Variants in MAGED2 observed in about 807,000 individuals in gnomAD.
MAGED2 encodes MAGE family member D2.
A neutral mutation model predicts 41.7 loss-of-function variants in MAGED2; 6 were observed. That is an observed-to-expected ratio of 0.14 (90% CI 0.08 to 0.28). The LOEUF is 0.28. Among genes scored for constraint, MAGED2 ranks in the 10% least tolerant of loss-of-function variants. The pLI is 1.00. For missense variants in MAGED2, 343 were observed against 486.4 expected, an observed-to-expected ratio of 0.71 and a Z score of 2.77; for synonymous variants, 146 against 178.2, an observed-to-expected ratio of 0.82 and a Z score of 1.44.
At chrX:54,812,879 G>A in intron 7 of MAGED2, 66 bp from the exon 8 acceptor site, 1 of 831,037 alleles carries the variant, frequency 1.2e-6, no homozygotes, top group Non-Finnish European at 1.8e-6. Flanking sequence ...AGCCTAGTGA[G>A]TTGGCTGGTG....
Position 54,815,204 on chromosome X carries a change from G to A in MAGED2, c.1387-44G>A, listed in dbSNP as rs759618951. On this transcript the variant is annotated intron_variant, in intron 11 of 12. Coordinates refer to ENST00000375068, the MANE Select transcript of MAGED2 (RefSeq NM_177433.3). ...ATAGTAATACTGTATTATTACTATG[G>A]CTTAATCCCTCTATGCTCCTTCTGA... The A allele has an allele frequency of 5.3e-6, 6 of 1,136,988 alleles. No homozygotes were observed. In the African/African-American group the frequency reaches 5.5e-5, roughly 10 times the overall value. 93.7% of individuals were successfully genotyped at this position (1,136,988 alleles called of 1,213,427 possible).
chrX:54,807,994 G>A (rs1929667205), intron 1 of MAGED2, among the ~76,000 whole-genome samples, 192 bp downstream of exon 1: 1 of 109,042 alleles, frequency 9.2e-6, no homozygotes, highest in African/African-American at 3.4e-5. Flanking sequence ...AGAGACTAGC[G>A]GAGGGAGGAG....
chrX:54,812,853 G>A, intron 7 of MAGED2, 92 bp from the exon 8 acceptor site: 1 of 655,932 alleles, frequency 1.5e-6, no homozygotes, highest in Non-Finnish European at 2.4e-6. Context: ...TGTATCTGAG[G>A]AATCTGGGAG....
intron 1 of MAGED2, chrX:54,809,023 G>C: frequency 2.8e-6 from 1 of 361,158 alleles, no homozygotes; most frequent in Non-Finnish European, 4.9e-6. Context: ...CGACGCGCAT[G>C]CGCTCTATCG....
rs1187146810 is a variant in MAGED2, at chrX:54,814,786, A to G, written c.1386+11A>G. 8.5e-7 allele frequency: 1 copy of G among 1,169,605 alleles called. No homozygotes were observed. Among genetic ancestry groups the G allele is most frequent in the Admixed American group, 2.2e-5 (1 of 45,963 alleles). On this transcript the variant is annotated intron_variant, in intron 11 of 12. Coordinates refer to ENST00000375068, the MANE Select transcript of MAGED2 (RefSeq NM_177433.3). ...AAGTTTGCCTGCAAGGTAATTGGAG[A>G]GCTCCTTGAGCTTGGCAAGTCAAGA...
rs768864626 is a variant in MAGED2, at chrX:54,815,629, G to A, written c.1768G>A (p.Ala590Thr). The change falls in exon 12 of 13, where the codon GCT becomes ACT. Residue 590 changes from alanine (A) to threonine (T), a missense_variant. Coordinates refer to ENST00000375068, the MANE Select transcript of MAGED2 (RefSeq NM_177433.3). ...TFGLFAGLGG[A>T]GASTSGSSGA... ...TGGGCTCTTCGCTGGCCTTGGTGGA[G>A]CTGGTGCCAGCACCAGTGGCAGCTC... is the stretch of plus-strand genomic sequence containing the variant. 21 of 1,165,728 alleles carry A rather than the reference G, an allele frequency of 1.8e-5. No individual in the cohort carries two copies. In the East Asian group the frequency reaches 6.5e-4, roughly 36 times the overall value.
rs1211453050 is a variant in MAGED2, at chrX:54,815,534, G to T, written c.1673G>T (p.Ser558Ile). 8.5e-7 allele frequency: 1 copy of T among 1,175,199 alleles called. No individual in the cohort carries two copies. Among genetic ancestry groups the T allele is most frequent in the African/African-American group, 1.8e-5 (1 of 56,685 alleles). ...STGASTSTNN[S>I]ASASASTSGG... ...GGTGCCAGTACCAGTACCAATAACAGTGCCAGTGCCAGTGCCAGCACCAGT... is the reference window on the plus strand; with the variant it reads ...GGTGCCAGTACCAGTACCAATAACATTGCCAGTGCCAGTGCCAGCACCAGT... The change falls in exon 12 of 13, where the codon AGT (serine) becomes ATT (isoleucine). Residue 558 changes from serine (S) to isoleucine (I), a missense_variant. By Grantham distance (142) the Ser-to-Ile change is moderately radical (BLOSUM62 -2). Coordinates refer to ENST00000375068, the MANE Select transcript of MAGED2 (RefSeq NM_177433.3).
At position 54,813,192 on chromosome X, in the gene MAGED2, C is replaced by T. The variant is rs769435721; in HGVS notation, c.1208+32C>T. The T allele has an allele frequency of 1.2e-5, 15 of 1,208,483 alleles. 1 individual carries two copies. Among genetic ancestry groups the T allele is most frequent in the East Asian group, 3.0e-5 (1 of 33,762 alleles). On this transcript the variant is annotated intron_variant, in intron 9 of 12. Coordinates refer to ENST00000375068, the MANE Select transcript of MAGED2 (RefSeq NM_177433.3). ...TTGGGCTCTCTCAGCGCTTGCTGTC[C>T]GTGTTGTCCTTTGGCAAGAGAGGAC...
At position 54,813,318 on chromosome X, in the gene MAGED2, G is replaced by T. The variant is rs1929862748; in HGVS notation, c.1208+158G>T. The T allele has an allele frequency of 4.5e-6, 4 of 890,825 alleles. No homozygotes were observed. In the South Asian group the frequency reaches 9.7e-5, roughly 22 times the overall value. The allele number at this position is 890,825 out of a possible 1,213,427, so 73.4% of individuals were successfully genotyped here. On this transcript the variant is annotated intron_variant, in intron 9 of 12. Transcript: ENST00000375068. ...TGACCTGGGTGGATGATGGGTGAAT[G>T]GTCCTGAACTCTCTGCTCCCTCTCT... is the stretch of plus-strand genomic sequence containing the variant.
intron 1 of MAGED2, 108 bp from the exon 2 acceptor site, chrX:54,809,195 A>T: frequency 5.8e-6 from 3 of 517,044 alleles, no homozygotes; most frequent in East Asian, 3.7e-5. Context: ...GGGGTGGTGG[A>T]GGGGGTTGGA....
chrX:54,813,779 G>A (rs991338642), intron 10 of MAGED2, among the ~76,000 whole-genome samples: 1 of 112,058 alleles, frequency 8.9e-6, no homozygotes. Flanking sequence ...GTTCTGCAAG[G>A]GAGGGATTAT....
intron 6 of MAGED2, among the ~76,000 whole-genome samples, chrX:54,811,888 C>T (rs1171662970): frequency 2.7e-5 from 3 of 111,861 alleles, no homozygotes; most frequent in Non-Finnish European, 5.6e-5. Flanking sequence ...TCTGTCCGTC[C>T]ATGGCAGCTC....
At position 54,812,955 on chromosome X, in the gene MAGED2, T is replaced by G; in HGVS notation, c.1096T>G (p.Ser366Ala). Residue 366 changes from serine to alanine, a missense_variant, in exon 8 of 13, where the codon TCA becomes GCA. Around this residue, in one of 3 missense-constraint regions of MAGED2, gnomAD observed 95 missense variants for 204.8 expected, o/e 0.46. Transcript: ENST00000375068. Reference protein sequence around the residue: ...DAGILGTTKDSPKLGLLMVLL... With the variant: ...DAGILGTTKDAPKLGLLMVLL... ...CTGTTATTTCTCTAGGACTAAGGAC[T>G]CACCCAAGCTGGGTCTGCTCATGGT... 8.3e-7 allele frequency: 1 copy of G among 1,208,745 alleles called. No homozygotes were observed. The highest frequency in any genetic ancestry group is 1.1e-6 in the Non-Finnish European group (1 of 893,124).
chrX:54,812,071 T>C (rs1051094869), intron 6 of MAGED2, 86 bp from the exon 7 acceptor site: 19 of 551,213 alleles, frequency 3.4e-5, no homozygotes, highest in East Asian at 2.4e-4. Context: ...TTCTCACACA[T>C]GCGAAACTCC....
chrX:54,813,053 G>A (rs373438763), intron 8 of MAGED2, 29 bp downstream of exon 8: 16 of 1,210,069 alleles, frequency 1.3e-5, no homozygotes, highest in Non-Finnish European at 1.8e-5. Flanking sequence ...AGCTGAATGG[G>A]TGGCTGTGGT....
intron 11 of MAGED2, 68 bp from the exon 12 acceptor site, chrX:54,815,179 AT>A: frequency 9.0e-7 from 1 of 1,112,317 alleles, no homozygotes; most frequent in Non-Finnish European, 1.2e-6. Context: ...GGTTATTTAC[AT>A]AGTAATACTG....
intron 3 of MAGED2, among the ~76,000 whole-genome samples, chrX:54,810,537 A>G (rs1472535379): frequency 8.9e-6 from 1 of 111,819 alleles, no homozygotes; most frequent in Non-Finnish European, 1.9e-5. Flanking sequence ...AGAGAGGTGA[A>G]GCGGCTTGTC....
At position 54,815,143 on chromosome X, in the gene MAGED2, C is replaced by T. The variant is rs1376668446; in HGVS notation, c.1387-105C>T. 6 of 993,829 alleles carry T rather than the reference C, an allele frequency of 6.0e-6. No homozygotes were observed. The East Asian group carries it at 1.5e-4, about 26-fold the overall frequency. The allele number at this position is 993,829 out of a possible 1,213,427, so 81.9% of individuals were successfully genotyped here. Reference sequence around the variant, plus strand: ...ATAGTGCCTAGCATAAAGGTAGATGCTTAATCCTCTTATGCTCCTTCTGAT... The same window carrying T: ...ATAGTGCCTAGCATAAAGGTAGATGTTTAATCCTCTTATGCTCCTTCTGAT... On this transcript the variant is annotated intron_variant, in intron 11 of 12. Coordinates refer to ENST00000375068, the MANE Select transcript of MAGED2 (RefSeq NM_177433.3).
chrX:54,812,462 ACAT>A (rs1929837829), intron 7 of MAGED2, among the ~76,000 whole-genome samples: 3 of 111,817 alleles, frequency 2.7e-5, no homozygotes, highest in Admixed American at 1.9e-4. Flanking sequence ...CTGGAGTGGG[ACAT>A]TCCTGCTGTC....
Sources: gnomAD v4.1 joint callset for allele counts (sites outside exome capture counted in the v4.1 genomes callset) on GRCh38, gnomAD v4.1.1 for gene constraint, gnomAD v4.1.1 regional missense constraint, MANE v1.5 for transcripts, NCBI Gene and HGNC (gene_info 2026-07-23, HGNC 2026-07-21) for gene names.